DDI2: variants seen among roughly 807,000 people sequenced by gnomAD.
The protein encoded by DDI2 is DDI proteasomal shuttling factor 2, also known as protein DDI1 homolog 2.
In DDI2, 5 loss-of-function variants were observed where a neutral mutation model predicts 48.1. That is an observed-to-expected ratio of 0.10 (90% CI 0.05 to 0.22). The LOEUF is 0.22. Among genes scored for constraint, DDI2 ranks in the 10% least tolerant of loss-of-function variants. The pLI is 1.00. For synonymous variants in DDI2, 205 were observed against 183.6 expected (o/e 1.12, Z -0.94); for missense variants, 285 against 506.2 (o/e 0.56, Z 4.19).
chr1:15,655,288 A>G (rs1363837868), intron 8 of DDI2, among the ~76,000 whole-genome samples: 2 of 151,942 alleles, frequency 1.3e-5, no homozygotes, highest in Admixed American at 6.5e-5. Flanking sequence ...CATCCGAATA[A>G]ATACTCTGGA....
intron 8 of DDI2, among the ~76,000 whole-genome samples, chr1:15,654,776 CCAGA>C (rs1313912425): frequency 6.6e-6 from 1 of 151,982 alleles, no homozygotes; most frequent in East Asian, 1.9e-4. Flanking sequence ...TTTTGAACAA[CCAGA>C]CAGAGACTAA....
chr1:15,630,354 G>C lies in DDI2; in HGVS notation c.298G>C (p.Ala100Pro). Reference sequence around the variant, plus strand: ...ACCCCGAATAGATTTCAGTAGTATAGCTGTGCCTGGCACATCAAGTCCCCG... The same window carrying C: ...ACCCCGAATAGATTTCAGTAGTATACCTGTGCCTGGCACATCAAGTCCCCG... The part of the protein sequence containing the change: ...NLPRIDFSSI[A>P]VPGTSSPRQR... The change falls in exon 3 of 10, where the codon GCT becomes CCT. Residue 100 changes from alanine (A) to proline (P), a missense_variant. Ala to Pro is a conservative substitution (Grantham distance 27). Coordinates refer to ENST00000480945, the MANE Select transcript of DDI2 (RefSeq NM_032341.5). 2 of 1,614,224 alleles carry C rather than the reference G, an allele frequency of 1.2e-6. No individual in the cohort carries two copies. Among genetic ancestry groups the C allele is most frequent in the Non-Finnish European group, 1.7e-6 (2 of 1,180,038 alleles).
Position 15,660,597 on chromosome 1 carries a change from A to G in DDI2, c.*807A>G, listed in dbSNP as rs1467782440. ...CATCTTCAGAATGCAGTGGCTGCTC[A>G]AATTCAGAAACATTTATGGAAATCG... On this transcript the variant is annotated 3_prime_UTR_variant, in exon 10 of 10. Transcript: ENST00000480945. The G allele has an allele frequency of 6.2e-6, 10 of 1,613,898 alleles. 1 individual carries two copies. Among genetic ancestry groups the G allele is most frequent in the Non-Finnish European group, 8.5e-6 (10 of 1,180,004 alleles).
At chr1:15,626,524 G>A (rs1338131362) in intron 1 of DDI2, 145 bp from the exon 2 acceptor site, 8 of 1,146,646 alleles carry the variant, frequency 7.0e-6, no homozygotes, top group Non-Finnish European at 9.7e-6. Context: ...GGGAAGGACT[G>A]TGGGTTTTGT....
At chr1:15,651,445 A>G (rs772829008) in intron 7 of DDI2, among the ~76,000 whole-genome samples, 3 of 152,068 alleles carry the variant, frequency 2.0e-5, no homozygotes, top group African/African-American at 4.8e-5. Flanking sequence ...CAGCCTCCCA[A>G]GTAGCTGCGA....
intron 6 of DDI2, among the ~76,000 whole-genome samples, chr1:15,648,082 T>G (rs1640118935): frequency 6.6e-6 from 1 of 152,228 alleles, no homozygotes; most frequent in Non-Finnish European, 1.5e-5. Context: ...AATATGTATG[T>G]CTGTTTATTA....
chr1:15,630,179 A>C, intron 2 of DDI2, 146 bp from the exon 3 acceptor site: 1 of 739,264 alleles, frequency 1.4e-6, no homozygotes, highest in East Asian at 2.5e-5. Flanking sequence ...TTATATTCAG[A>C]GTCATCATGA....
At position 15,661,882 on chromosome 1, in the gene DDI2, A is replaced by G; in HGVS notation, c.*2092A>G. On this transcript the variant is annotated 3_prime_UTR_variant, in exon 10 of 10. Transcript: ENST00000480945. ...TTTTTTTAAAGATTTTTTTCGGCCA[A>G]AGTAATTTATGATCTTTTGTCTGAT... 1.9e-6 allele frequency: 2 copies of G among 1,048,226 alleles called. No homozygotes were observed. Among genetic ancestry groups the G allele is most frequent in the Non-Finnish European group, 2.6e-6 (2 of 781,638 alleles). 64.9% of individuals were successfully genotyped at this position (1,048,226 alleles called of 1,614,324 possible).
Position 15,623,387 on chromosome 1 carries a change from C to CTTCTTTTTTTT in DDI2, c.139-3280_139-3279insCTTTTTTTTTT, listed in dbSNP as rs1553152999. Among the ~76,000 whole-genome samples, 144 of 107,488 alleles carry CTTCTTTTTTTT rather than the reference C, an allele frequency of 1.3e-3. 1 individual carries two copies. The highest frequency in any genetic ancestry group is 5.0e-3 in the African/African-American group (133 of 26,598). 70.5% of individuals were successfully genotyped at this position (107,488 alleles called of 152,430 possible). ...CAGTTCCAATTGCAGTTTTCTTCTT[C>CTTCTTTTTTTT]TTTTTTTTTTTTTTTTTTTTTTAAG... is the stretch of plus-strand genomic sequence containing the variant. On this transcript the variant is annotated intron_variant, in intron 1 of 9. Transcript: ENST00000480945.
At chr1:15,649,200 C>T (rs1187971294) in intron 6 of DDI2, among the ~76,000 whole-genome samples, 1 of 151,822 alleles carries the variant, frequency 6.6e-6, no homozygotes. Context: ...CCTGTCTCTA[C>T]TAAAAATGTA....
At chr1:15,634,228 A>G (rs1350204564) in intron 4 of DDI2, 1 of 156,716 alleles carries the variant, frequency 6.4e-6, no homozygotes, top group African/African-American at 2.4e-5. Flanking sequence ...GAGCTCAAGC[A>G]AGGACAGTGA....
intron 1 of DDI2, among the ~76,000 whole-genome samples, chr1:15,620,711 C>G (rs114430462): frequency 1.1e-3 from 169 of 152,104 alleles, no homozygotes; most frequent in Non-Finnish European, 1.9e-3. Flanking sequence ...TATACATGAA[C>G]TGATACGTTG....
chr1:15,644,120 A>G (rs1391530254), intron 6 of DDI2, among the ~76,000 whole-genome samples: 1 of 152,112 alleles, frequency 6.6e-6, no homozygotes, highest in African/African-American at 2.4e-5. Flanking sequence ...CATCCCAGAC[A>G]TTTCCTAATT....
At chr1:15,619,396 G>A (rs981309238) in intron 1 of DDI2, among the ~76,000 whole-genome samples, 3 of 151,534 alleles carry the variant, frequency 2.0e-5, no homozygotes, top group African/African-American at 4.8e-5. Flanking sequence ...AAAATGCTGC[G>A]ATTACAGGTG....
At chr1:15,650,830 A>G (rs550250693) in intron 7 of DDI2, among the ~76,000 whole-genome samples, 2 of 152,330 alleles carry the variant, frequency 1.3e-5, no homozygotes, top group East Asian at 3.8e-4. Flanking sequence ...TCATATTGAT[A>G]ATAAGACACA....
At chr1:15,659,798 G>A in intron 9 of DDI2, 39 bp from the exon 10 acceptor site, 1 of 1,480,584 alleles carries the variant, frequency 6.8e-7, no homozygotes, top group Non-Finnish European at 8.9e-7. Flanking sequence ...TTAGTCACCT[G>A]CTAATTAATC....
Position 15,665,375 on chromosome 1 carries a change from G to A in DDI2, c.*5585G>A, listed in dbSNP as rs1380313970. ...CAGCCCACATCTTCTAGAGCTCCCTGTCTTCATATGTACTAAAGGGAGACA... is the reference window on the plus strand; with the variant it reads ...CAGCCCACATCTTCTAGAGCTCCCTATCTTCATATGTACTAAAGGGAGACA... On this transcript the variant is annotated 3_prime_UTR_variant, in exon 10 of 10. Transcript: ENST00000480945. The A allele has an allele frequency of 6.6e-6, 1 of 151,948 alleles. No homozygotes were observed. Among genetic ancestry groups the A allele is most frequent in the Non-Finnish European group, 1.5e-5 (1 of 68,052 alleles). 9.4% of individuals were successfully genotyped at this position (151,948 alleles called of 1,614,324 possible). A position where few individuals can be genotyped will look rare whatever the true frequency, so the allele number is the denominator to read the frequency against.
chr1:15,633,305 C>T, intron 3 of DDI2, 134 bp from the exon 4 acceptor site: 2 of 968,066 alleles, frequency 2.1e-6, no homozygotes, highest in South Asian at 3.2e-5. Context: ...TGTAATTGCT[C>T]ATTTTAAATA....
chr1:15,652,121 A>G (rs1640196002), intron 8 of DDI2, among the ~76,000 whole-genome samples: 1 of 129,336 alleles, frequency 7.7e-6, no homozygotes, highest in Non-Finnish European at 1.5e-5. Flanking sequence ...GTTGGAGTGC[A>G]GTGTGCAGTG....
Sources: gnomAD v4.1 joint callset for allele counts (sites outside exome capture counted in the v4.1 genomes callset) on GRCh38, gnomAD v4.1.1 for gene constraint, MANE v1.5 for transcripts, NCBI Gene and HGNC (gene_info 2026-07-23, HGNC 2026-07-21) for gene names.